Variants in GPR149 observed in about 807,000 individuals in gnomAD.
The protein encoded by GPR149 is probable G protein-coupled receptor 149.
In GPR149, 50 loss-of-function variants were observed where a neutral mutation model predicts 50.2. The observed-to-expected ratio is 1.00, with a 90% CI of 0.79 to 1.26. The LOEUF (loss-of-function observed/expected upper bound fraction) is 1.26. Among genes scored for constraint, GPR149 ranks in the 50% most tolerant of loss-of-function variants. The probability of loss-of-function intolerance (pLI) is 0.00; values close to 1 mark genes in which losing one functional copy is unlikely to be tolerated. For synonymous variants in GPR149, 405 were observed against 358.2 expected, an observed-to-expected ratio of 1.13 and a Z score of -1.48; for missense variants, 983 against 895.4, an observed-to-expected ratio of 1.10 and a Z score of -1.25.
Position 154,429,148 on chromosome 3 carries a change from G to T in GPR149, c.468C>A (p.Thr156=), listed in dbSNP as rs201300362. ...RSGQVLGVVL[T]VWAASLLLSA... ...AGAGCAGCAGACTGGCTGCCCACAC[G>T]GTCAGCACCACGCCGAGCACCTGGC... is the stretch of plus-strand genomic sequence containing the variant. The change falls in exon 1 of 4, where the codon ACC becomes ACA. Residue 156 remains threonine (T), a synonymous_variant. Transcript: ENST00000389740. 1.2e-6 allele frequency: 2 copies of T among 1,613,702 alleles called. No homozygotes were observed. Among genetic ancestry groups the T allele is most frequent in the South Asian group, 1.1e-5 (1 of 91,074 alleles).
chr3:154,402,309 T>C (rs550636483), intron 3 of GPR149, among the ~76,000 whole-genome samples: 20 of 151,980 alleles, frequency 1.3e-4, no homozygotes, highest in Non-Finnish European at 2.4e-4. Flanking sequence ...TCTCAATACT[T>C]ACGAGGCTAA....
At chr3:154,373,986 A>C (rs2108402604) in intron 3 of GPR149, among the ~76,000 whole-genome samples, 1 of 152,316 alleles carries the variant, frequency 6.6e-6, no homozygotes, top group Admixed American at 6.5e-5. Context: ...AAAAAGGGAA[A>C]AAATAAACAA....
chr3:154,425,418 C>T (rs1712264551), intron 2 of GPR149, among the ~76,000 whole-genome samples: 1 of 151,988 alleles, frequency 6.6e-6, no homozygotes, highest in African/African-American at 2.4e-5. Flanking sequence ...ACCACCTGGC[C>T]CACCTAAGCA....
At chr3:154,406,896 A>G (rs964471132) in intron 3 of GPR149, among the ~76,000 whole-genome samples, 1 of 152,210 alleles carries the variant, frequency 6.6e-6, no homozygotes, top group Non-Finnish European at 1.5e-5. Flanking sequence ...ATTTATAAAG[A>G]AAGAAAAGTT....
At chr3:154,373,812 T>C (rs1714724592) in intron 3 of GPR149, among the ~76,000 whole-genome samples, 1 of 152,184 alleles carries the variant, frequency 6.6e-6, no homozygotes, top group Non-Finnish European at 1.5e-5. Context: ...ATGTGTGAGA[T>C]TTTAGGTAAA....
chr3:154,381,637 C>T (rs1714932033), intron 3 of GPR149, among the ~76,000 whole-genome samples: 1 of 151,960 alleles, frequency 6.6e-6, no homozygotes, highest in African/African-American at 2.4e-5. Flanking sequence ...AATATAAAGT[C>T]ATTATATCTG....
At chr3:154,345,851 G>T (rs542369671) in intron 3 of GPR149, among the ~76,000 whole-genome samples, 5 of 152,072 alleles carry the variant, frequency 3.3e-5, no homozygotes, top group Non-Finnish European at 5.9e-5. Flanking sequence ...AGAAACCATG[G>T]CATTTTAATT....
chr3:154,357,587 G>A (rs1714270244), intron 3 of GPR149, among the ~76,000 whole-genome samples: 2 of 152,164 alleles, frequency 1.3e-5, no homozygotes, highest in East Asian at 1.9e-4. Context: ...AAACCACAAT[G>A]AGATACCATC....
At chr3:154,344,196 G>A (rs543028459) in intron 3 of GPR149, among the ~76,000 whole-genome samples, 17 of 152,248 alleles carry the variant, frequency 1.1e-4, no homozygotes, top group African/African-American at 3.1e-4. Flanking sequence ...AAACATTTGA[G>A]TCCAACAAGC....
chr3:154,418,264 T>G (rs972313361), intron 3 of GPR149, among the ~76,000 whole-genome samples: 1 of 105,546 alleles, frequency 9.5e-6, no homozygotes, highest in African/African-American at 4.2e-5. Context: ...TGGCGATTCC[T>G]CAGGGATCTA....
At chr3:154,415,574 G>A (rs535012129) in intron 3 of GPR149, among the ~76,000 whole-genome samples, 2 of 152,036 alleles carry the variant, frequency 1.3e-5, no homozygotes, top group South Asian at 2.1e-4. Flanking sequence ...GCTGTGAAGT[G>A]GAGAAAAGCA....
At chr3:154,424,065 T>G (rs1208369510) in intron 2 of GPR149, among the ~76,000 whole-genome samples, 2 of 151,854 alleles carry the variant, frequency 1.3e-5, no homozygotes, top group African/African-American at 4.8e-5. Flanking sequence ...TGTGGGGAGA[T>G]TAGGGGTTGT....
intron 3 of GPR149, among the ~76,000 whole-genome samples, chr3:154,394,103 C>G (rs946456271): frequency 5.3e-5 from 8 of 151,742 alleles, no homozygotes; most frequent in African/African-American, 1.7e-4. Flanking sequence ...ACCAAATAGC[C>G]AAAACAATTT....
At chr3:154,400,101 C>T (rs910160182) in intron 3 of GPR149, among the ~76,000 whole-genome samples, 34 of 152,050 alleles carry the variant, frequency 2.2e-4, no homozygotes, top group African/African-American at 7.5e-4. Context: ...ATTCTCCTGC[C>T]TCAGCCTCCC....
At chr3:154,352,328 A>G (rs1331942110) in intron 3 of GPR149, 52 of 1,041,980 alleles carry the variant, frequency 5.0e-5, no homozygotes, top group Non-Finnish European at 1.0e-5. Context: ...GTTGGGGATT[A>G]GAAGACTTGT....
chr3:154,380,166 CAGAGAGAGAG>C (rs57858107), intron 3 of GPR149, among the ~76,000 whole-genome samples: 9,134 of 133,604 alleles, frequency 0.068, 394 homozygotes, highest in African/African-American at 0.11. Flanking sequence ...GTGAGAGAGA[CAGAGAGAGAG>C]AGAGAGAGAG....
At chr3:154,376,125 T>TCTAG (rs1262603142) in intron 3 of GPR149, among the ~76,000 whole-genome samples, 3 of 152,254 alleles carry the variant, frequency 2.0e-5, no homozygotes, top group Non-Finnish European at 2.9e-5. Context: ...ACTCAGTCTA[T>TCTAG]CTAGCTAGCT....
Position 154,421,326 on chromosome 3 carries a change from G to A in GPR149, c.1336C>T (p.Arg446Cys), listed in dbSNP as rs375230371. 74 of 1,613,164 alleles carry A rather than the reference G, an allele frequency of 4.6e-5. No homozygotes were observed. In the African/African-American group the frequency reaches 8.4e-4, roughly 18 times the overall value. The change falls in exon 3 of 4, where the codon CGT (arginine) becomes TGT (cysteine). Residue 446 changes from arginine (R) to cysteine (C), a missense_variant. Transcript: ENST00000389740. The part of the protein sequence containing the change: ...ETTKDPQRDN[R>C]NIFNAIKVEI... ...ACTTTTATAGCATTGAAGATGTTAC[G>A]GTTGTCTCTCTGAGGGTCTTTTGTA...
Position 154,429,829 on chromosome 3 carries a change from A to C in GPR149, c.-214T>G. 2.3e-6 allele frequency: 1 copy of C among 433,288 alleles called. No individual in the cohort carries two copies. Among genetic ancestry groups the C allele is most frequent in the Non-Finnish European group, 4.0e-6 (1 of 247,438 alleles). The allele number at this position is 433,288 out of a possible 1,614,324, so 26.8% of individuals were successfully genotyped here. A position where few individuals can be genotyped will look rare whatever the true frequency, so the allele number is the denominator to read the frequency against. On this transcript the variant is annotated 5_prime_UTR_variant, in exon 1 of 4. Coordinates refer to ENST00000389740, the MANE Select transcript of GPR149 (RefSeq NM_001038705.3). ...AGGTTCCATTTCAAGCATAAAAAAA[A>C]AAAAACCCGAACAGATAACTTTTCA...
Sources: allele counts gnomAD v4.1 joint callset (sites outside exome capture counted in the v4.1 genomes callset), GRCh38; gene constraint gnomAD v4.1.1; transcripts MANE v1.5; gene names NCBI Gene and HGNC (gene_info 2026-07-23, HGNC 2026-07-21).